Variants in CFAP299 observed in about 807,000 individuals in gnomAD.
CFAP299 encodes cilia- and flagella-associated protein 299.
CFAP299 carries 21 observed loss-of-function variants against 27.0 expected under a neutral mutation model. The ratio of observed to expected loss-of-function variants is 0.78; its 90% confidence interval spans 0.55 to 1.12. The LOEUF is 1.12. CFAP299 is among the 50% of genes most tolerant of loss of function. The probability of loss-of-function intolerance (pLI) is 0.00; values close to 1 mark genes in which losing one functional copy is unlikely to be tolerated. For synonymous variants in CFAP299, 104 were observed against 98.1 expected (o/e 1.06, Z -0.36); for missense variants, 310 against 276.6 (o/e 1.12, Z -0.86).
intron 3 of CFAP299, among the ~76,000 whole-genome samples, chr4:80,599,562 T>C (rs1737224125): frequency 6.6e-6 from 1 of 152,148 alleles, no homozygotes; most frequent in Non-Finnish European, 1.5e-5. Flanking sequence ...TCTTCTGTCC[T>C]ATTATTTTTT....
intron 5 of CFAP299, among the ~76,000 whole-genome samples, chr4:80,949,318 G>T (rs973331526): frequency 9.9e-4 from 151 of 152,196 alleles, no homozygotes; most frequent in African/African-American, 3.5e-3. Flanking sequence ...TGCAGAAAAT[G>T]ATACATTGCA....
intron 3 of CFAP299, among the ~76,000 whole-genome samples, chr4:80,789,496 C>G (rs1265282795): frequency 6.6e-6 from 1 of 152,036 alleles, no homozygotes; most frequent in South Asian, 2.1e-4. Flanking sequence ...TATCAAATTA[C>G]TAGACGATTT....
Position 80,747,323 on chromosome 4 carries a change from C to T in CFAP299, c.334-122670C>T, listed in dbSNP as rs186438932. The stretch of plus-strand genomic sequence containing the variant: ...ACAGTAGGTTTGTTTACACCAGCAT[C>T]GCCACAAACATGTGAGCAATACAGT... On this transcript the variant is annotated intron_variant, in intron 3 of 5. Transcript: ENST00000358105. 5.1e-3 allele frequency among the ~76,000 whole-genome samples: 769 copies of T among 152,114 alleles called. 4 individuals are homozygous for T. The highest frequency in any genetic ancestry group is 0.02 in the Middle Eastern group (6 of 294).
chr4:80,755,243 G>A (rs17004988), intron 3 of CFAP299, among the ~76,000 whole-genome samples: 6,813 of 152,008 alleles, frequency 0.045, 298 homozygotes, highest in East Asian at 0.22. Flanking sequence ...GTAGAGCCAA[G>A]ACACATTAGG....
chr4:80,959,887 A>G (rs1738256557), intron 5 of CFAP299, among the ~76,000 whole-genome samples: 1 of 151,962 alleles, frequency 6.6e-6, no homozygotes, highest in Non-Finnish European at 1.5e-5. Context: ...GAGAAATAAT[A>G]ATGAGTTAAC....
chr4:80,594,802 A>G (rs546463355), intron 3 of CFAP299, among the ~76,000 whole-genome samples: 100 of 152,304 alleles, frequency 6.6e-4, no homozygotes, highest in South Asian at 1.7e-3. Context: ...TCAAATATCT[A>G]GTGATTCTTG....
At chr4:80,842,408 A>G (rs1730911432) in intron 3 of CFAP299, among the ~76,000 whole-genome samples, 1 of 152,194 alleles carries the variant, frequency 6.6e-6, no homozygotes, top group Non-Finnish European at 1.5e-5. Context: ...GAAATTCAGC[A>G]CAGTTGGCTT....
intron 2 of CFAP299, among the ~76,000 whole-genome samples, chr4:80,458,841 A>G (rs892607654): frequency 6.6e-6 from 1 of 152,172 alleles, no homozygotes; most frequent in African/African-American, 2.4e-5. Context: ...CAGTATCCCA[A>G]TAACAGATCT....
chr4:80,636,486 A>T (rs931311935), intron 3 of CFAP299, among the ~76,000 whole-genome samples: 11 of 152,348 alleles, frequency 7.2e-5, no homozygotes, highest in African/African-American at 2.6e-4. Flanking sequence ...TAGTCAAAGG[A>T]CTGCTCAAGT....
chr4:80,850,840 T>C (rs1379648929), intron 3 of CFAP299, among the ~76,000 whole-genome samples: 1 of 152,108 alleles, frequency 6.6e-6, no homozygotes, highest in Admixed American at 6.6e-5. Context: ...AAATAAGATA[T>C]TGGCAATCAT....
chr4:80,784,478 CTCTTTCTT>C (rs376395351), intron 3 of CFAP299, among the ~76,000 whole-genome samples: 16 of 151,600 alleles, frequency 1.1e-4, no homozygotes, highest in African/African-American at 3.6e-4. Context: ...ACTTCTTGGC[CTCTTTCTT>C]TCTTTCTTTC....
chr4:80,327,972 A>G, the CFAP299 span, among the ~76,000 whole-genome samples: 4 of 151,794 alleles, frequency 2.6e-5, no homozygotes, highest in African/African-American at 9.7e-5. Flanking sequence ...AAGGTATTTT[A>G]TGAATGACCA....
chr4:80,802,023 A>G (rs1307345963), intron 3 of CFAP299, among the ~76,000 whole-genome samples: 1 of 152,120 alleles, frequency 6.6e-6, no homozygotes, highest in Non-Finnish European at 1.5e-5. Context: ...GAAGTCACTA[A>G]TTGGCATAAA....
At chr4:80,758,143 G>A (rs1313948562) in intron 3 of CFAP299, among the ~76,000 whole-genome samples, 1 of 152,176 alleles carries the variant, frequency 6.6e-6, no homozygotes, top group Non-Finnish European at 1.5e-5. Context: ...CTGGACCTGA[G>A]TTCTTGTCCA....
intron 2 of CFAP299, among the ~76,000 whole-genome samples, chr4:80,490,821 A>G (rs1269419217): frequency 6.6e-6 from 1 of 152,214 alleles, no homozygotes; most frequent in Non-Finnish European, 1.5e-5. Context: ...ATAACTCAGT[A>G]AAATTTTTCT....
chr4:80,397,908 CAG>C (rs1191256089), intron 2 of CFAP299, among the ~76,000 whole-genome samples: 4 of 152,170 alleles, frequency 2.6e-5, no homozygotes, highest in Non-Finnish European at 4.4e-5. Flanking sequence ...TCCCTGTTTG[CAG>C]ATGACATGAT....
At chr4:80,482,526 AAAAC>A (rs1245409507) in intron 2 of CFAP299, among the ~76,000 whole-genome samples, 2 of 152,174 alleles carry the variant, frequency 1.3e-5, no homozygotes, top group Admixed American at 1.3e-4. Context: ...CAGCAATAAA[AAAAC>A]AAAGCAGTAG....
chr4:80,920,757 T>A (rs926108066), intron 4 of CFAP299, among the ~76,000 whole-genome samples: 3 of 152,102 alleles, frequency 2.0e-5, no homozygotes, highest in African/African-American at 7.2e-5. Flanking sequence ...TTCTACCTTC[T>A]GGGGTGCATG....
At chr4:80,914,028 T>C (rs1735620418) in intron 4 of CFAP299, among the ~76,000 whole-genome samples, 1 of 152,220 alleles carries the variant, frequency 6.6e-6, no homozygotes, top group Admixed American at 6.5e-5. Flanking sequence ...ATCAGTAGTT[T>C]ATTCCTTTTG....
Sources: gnomAD v4.1 joint callset for allele counts (sites outside exome capture counted in the v4.1 genomes callset) on GRCh38, gnomAD v4.1.1 for gene constraint, MANE v1.5 for transcripts, NCBI Gene and HGNC (gene_info 2026-07-23, HGNC 2026-07-21) for gene names.